ABCA13: variants seen among roughly 807,000 people sequenced by gnomAD.
ABCA13 encodes ATP-binding cassette sub-family A member 13.
ABCA13 carries 476 observed loss-of-function variants against 478.7 expected under a neutral mutation model. The ratio of observed to expected loss-of-function variants is 0.99; its 90% CI spans 0.92 to 1.07. ABCA13 has a LOEUF of 1.07. Ranked by LOEUF, ABCA13 falls within the 50% of genes least tolerant of loss-of-function variation. The pLI is 0.00. For synonymous variants in ABCA13, 2,252 were observed against 2,158.9 expected (o/e 1.04, Z -1.20); for missense variants, 6,060 against 5,910.6 (o/e 1.03, Z -0.83).
chr7:48,440,773 T>A (rs1053810197), intron 42 of ABCA13, among the ~76,000 whole-genome samples: 1 of 151,918 alleles, frequency 6.6e-6, no homozygotes, highest in Non-Finnish European at 1.5e-5. Flanking sequence ...TTAGAAACGA[T>A]AATTTTATGT....
At chr7:48,243,651 A>G (rs1275350942) in intron 10 of ABCA13, among the ~76,000 whole-genome samples, 1 of 152,218 alleles carries the variant, frequency 6.6e-6, no homozygotes, top group Non-Finnish European at 1.5e-5. Flanking sequence ...CTCTCCAGCT[A>G]GAGAATAGCA....
intron 32 of ABCA13, among the ~76,000 whole-genome samples, 177 bp downstream of exon 32, chr7:48,368,085 T>G (rs949423116): frequency 1.3e-5 from 2 of 152,102 alleles, no homozygotes; most frequent in African/African-American, 4.8e-5. Flanking sequence ...TATGTTGAAG[T>G]CTGAAGCAAT....
Position 48,272,320 on chromosome 7 carries a change from C to T in ABCA13, c.2654C>T (p.Pro885Leu), listed in dbSNP as rs368323134. 1 of 1,613,530 alleles carries T rather than the reference C, an allele frequency of 6.2e-7. No homozygotes were observed. Among genetic ancestry groups the T allele is most frequent in the African/African-American group, 1.3e-5 (1 of 74,870 alleles). Residue 885 changes from proline to leucine, a missense_variant, in exon 17 of 62, where the codon CCA becomes CTA. Coordinates refer to ENST00000435803, the MANE Select transcript of ABCA13 (RefSeq NM_152701.5). ...TTCCATTCAGATTGGCCTAAATCAC[C>T]AGCTATGAACATAGATTTTGTACGT... ...QLFHSDWPKS[P>L]AMNIDFVRLS...
intron 41 of ABCA13, among the ~76,000 whole-genome samples, chr7:48,426,599 G>A (rs186992766): frequency 3.3e-5 from 5 of 152,306 alleles, no homozygotes; most frequent in South Asian, 2.1e-4. Flanking sequence ...GGACAGTGAC[G>A]CTGGCCCAGC....
At chr7:48,404,893 T>C (rs11185604) in intron 39 of ABCA13, among the ~76,000 whole-genome samples, 45,680 of 152,162 alleles carry the variant, frequency 0.3, 7,144 homozygotes, top group African/African-American at 0.32. Context: ...AAGGAGAAGA[T>C]AGATAGAAGT....
chr7:48,198,453 T>A, intron 3 of ABCA13, 93 bp downstream of exon 3: 1 of 1,446,452 alleles, frequency 6.9e-7, no homozygotes, highest in East Asian at 2.3e-5. Context: ...TAATTTGGGA[T>A]AGGTCAGAGA....
In ABCA13 at chr7:48,507,927, A is replaced by T. The variant is rs778913281; in HGVS notation, c.13402A>T (p.Ile4468Phe). 1 of 1,613,414 alleles carries T rather than the reference A, an allele frequency of 6.2e-7. No homozygotes were observed. Among genetic ancestry groups the T allele is most frequent in the South Asian group, 1.1e-5 (1 of 90,908 alleles). The change falls in exon 50 of 62, where the codon ATC becomes TTC. Residue 4468 changes from isoleucine to phenylalanine, a missense_variant. Transcript: ENST00000435803. The part of the protein sequence containing the change: ...VALCIVLGFS[I>F]LSASIGSSVV... Reference sequence around the variant, plus strand: ...CCTCTGCATCGTGCTGGGATTCTCCATCCTGTCTGCATCCATCGGCAGCTC... The same window carrying T: ...CCTCTGCATCGTGCTGGGATTCTCCTTCCTGTCTGCATCCATCGGCAGCTC...
intron 35 of ABCA13, among the ~76,000 whole-genome samples, chr7:48,385,738 G>GTTGGT (rs1815080140): frequency 6.6e-6 from 1 of 152,132 alleles, no homozygotes; most frequent in Admixed American, 6.5e-5. Flanking sequence ...ACCACCACCT[G>GTTGGT]TCTTCCACAA....
rs1158763943 is a variant in ABCA13 at position 48,391,979 on chromosome 7, A to G, written c.11713A>G (p.Asn3905Asp). ...TGGAACCATCATCATCAATGGCAAG[A>G]ACCTACAGACAGACCTGTCGAGGGT... ...TSGTIIINGK[N>D]LQTDLSRVRM... is the part of the protein sequence containing the mutation. The change falls in exon 38 of 62, where the codon AAC becomes GAC. Residue 3905 changes from asparagine to aspartate, a missense_variant. Asn to Asp is a conservative substitution (Grantham distance 23). Transcript: ENST00000435803. The G allele has an allele frequency of 2.5e-6, 4 of 1,613,974 alleles. No individual in the cohort carries two copies. Among genetic ancestry groups the G allele is most frequent in the Non-Finnish European group, 3.4e-6 (4 of 1,179,876 alleles).
chr7:48,570,609 CA>C (rs988085965), intron 55 of ABCA13, among the ~76,000 whole-genome samples: 2 of 151,886 alleles, frequency 1.3e-5, no homozygotes, highest in Non-Finnish European at 2.9e-5. Context: ...AGGTGTGAGC[CA>C]CCGCACCCAG....
At chr7:48,208,896 G>A (rs140651248) in intron 3 of ABCA13, among the ~76,000 whole-genome samples, 1 of 152,148 alleles carries the variant, frequency 6.6e-6, no homozygotes, top group East Asian at 1.9e-4. Context: ...TAAAGAAAAG[G>A]TCTTCAGTTT....
chr7:48,176,165 T>C (rs1794848092), intron 1 of ABCA13, among the ~76,000 whole-genome samples: 1 of 152,186 alleles, frequency 6.6e-6, no homozygotes, highest in Non-Finnish European at 1.5e-5. Context: ...TGACTGCTAC[T>C]CAGTCCTTTC....
intron 23 of ABCA13, among the ~76,000 whole-genome samples, chr7:48,299,053 C>A (rs78682628): frequency 5.7e-4 from 87 of 152,178 alleles, no homozygotes; most frequent in African/African-American, 2.0e-3. Flanking sequence ...GTAACACATA[C>A]GGGCCACATG....
rs1282711593 is a variant in ABCA13, at chr7:48,273,904, C to A, written c.4238C>A (p.Ser1413Ter). Reference sequence around the variant, plus strand: ...TATTTGTTGTCTAACTCCAGTTTTTCACAAGGTCATCTTCAAAATATTTTG... The same window carrying A: ...TATTTGTTGTCTAACTCCAGTTTTTAACAAGGTCATCTTCAAAATATTTTG... ...HLYLLSNSSFSQGHLQNILGN... is the reference protein window; with the variant it reads ...HLYLLSNSSF The change falls in exon 17 of 62, where the codon TCA becomes TAA. Residue 1413 changes from serine (S) to a stop codon, truncating the protein, a stop_gained. Coordinates refer to ENST00000435803, the MANE Select transcript of ABCA13 (RefSeq NM_152701.5). LOFTEE classifies it high-confidence loss of function. 6.2e-7 allele frequency: 1 copy of A among 1,612,806 alleles called. No homozygotes were observed. Among genetic ancestry groups the A allele is most frequent in the Non-Finnish European group, 8.5e-7 (1 of 1,179,296 alleles).
intron 20 of ABCA13, among the ~76,000 whole-genome samples, chr7:48,293,749 GT>G (rs142471930): frequency 0.099 from 14,969 of 151,308 alleles, 892 homozygotes; most frequent in African/African-American, 0.12. Flanking sequence ...ATTCTAAAAG[GT>G]TTTTTTTTGG....
In ABCA13 at chr7:48,276,397, A is replaced by G. The variant is rs750519557; in HGVS notation, c.6731A>G (p.His2244Arg). The change falls in exon 17 of 62, where the codon CAT (histidine) becomes CGT (arginine). Residue 2244 changes from histidine to arginine, a missense_variant. Transcript: ENST00000435803. ...AATTTCATTAACCTTATCTTGAACC[A>G]TATGCAGTCAGAAACTAGTAGGAAA... The part of the protein sequence containing the change: ...IMNFINLILN[H>R]MQSETSRKTV... 1.6e-5 allele frequency: 25 copies of G among 1,559,030 alleles called. No homozygotes were observed. Among genetic ancestry groups the G allele is most frequent in the Non-Finnish European group, 2.1e-5 (24 of 1,154,164 alleles).
chr7:48,219,673 G>A (rs1475928270), intron 4 of ABCA13, among the ~76,000 whole-genome samples, 168 bp downstream of exon 4: 1 of 152,096 alleles, frequency 6.6e-6, no homozygotes, highest in African/African-American at 2.4e-5. Flanking sequence ...GTTGTGGAGG[G>A]TGGAGCTGGA....
intron 41 of ABCA13, among the ~76,000 whole-genome samples, chr7:48,427,473 C>G (rs770821661): frequency 6.2e-4 from 95 of 152,198 alleles, no homozygotes; most frequent in Non-Finnish European, 4.1e-4. Flanking sequence ...GTGTTGCTAT[C>G]TGTCCCCTCC....
intron 58 of ABCA13, among the ~76,000 whole-genome samples, chr7:48,595,789 G>T (rs1369740580): frequency 2.0e-5 from 3 of 152,158 alleles, no homozygotes; most frequent in Non-Finnish European, 4.4e-5. Flanking sequence ...CTTCTTCCAT[G>T]GTTGTTTGCT....
Sources: allele counts gnomAD v4.1 joint callset (sites outside exome capture counted in the v4.1 genomes callset), GRCh38; gene constraint gnomAD v4.1.1; transcripts MANE v1.5; gene names NCBI Gene and HGNC (gene_info 2026-07-23, HGNC 2026-07-21).